MROH9: variants seen among roughly 807,000 people sequenced by gnomAD.
MROH9 encodes maestro heat-like repeat-containing protein family member 9.
In MROH9, 92 loss-of-function variants were observed where a neutral mutation model predicts 98.2. That is an observed-to-expected ratio of 0.94 (90% CI 0.79 to 1.11). The LOEUF (loss-of-function observed/expected upper bound fraction) is 1.11. Among genes scored for constraint, MROH9 ranks in the 50% most tolerant of loss-of-function variants. MROH9 has a pLI of 0.00. For synonymous variants in MROH9, 397 were observed against 368.9 expected (o/e 1.08, Z -0.87); for missense variants, 1,057 against 1,014.8 (o/e 1.04, Z -0.57).
intron 17 of MROH9, among the ~76,000 whole-genome samples, chr1:171,023,931 C>T (rs545661408): frequency 1.3e-5 from 2 of 152,282 alleles, no homozygotes; most frequent in East Asian, 1.9e-4. Context: ...CAGCTGCTGG[C>T]AACCTAGGCC....
intron 9 of MROH9, 119 bp from the exon 10 acceptor site, chr1:170,986,442 G>T: frequency 2.2e-6 from 2 of 898,674 alleles, no homozygotes; most frequent in South Asian, 2.0e-5. Context: ...GATGTATATG[G>T]CCCACGGAAG....
chr1:171,031,371 T>C (rs1652904983), intron 20 of MROH9, among the ~76,000 whole-genome samples: 1 of 152,198 alleles, frequency 6.6e-6, no homozygotes, highest in African/African-American at 2.4e-5. Flanking sequence ...AGTTTCTTCA[T>C]AGTGTCATTG....
chr1:171,026,605 C>T (rs1433838579), intron 20 of MROH9, among the ~76,000 whole-genome samples: 1 of 152,082 alleles, frequency 6.6e-6, no homozygotes, highest in Non-Finnish European at 1.5e-5. Flanking sequence ...AGAAATAATC[C>T]CTGCTATCCT....
intron 5 of MROH9, among the ~76,000 whole-genome samples, chr1:170,960,146 A>G (rs1402383445): frequency 6.6e-6 from 1 of 152,214 alleles, no homozygotes; most frequent in African/African-American, 2.4e-5. Flanking sequence ...ATCTCAGAGA[A>G]TTTCAGCCTC....
At chr1:170,950,521 C>T (rs951876667) in intron 3 of MROH9, among the ~76,000 whole-genome samples, 1 of 152,148 alleles carries the variant, frequency 6.6e-6, no homozygotes, top group East Asian at 1.9e-4. Flanking sequence ...CATTAACATT[C>T]TTATATCTGC....
In MROH9 at chr1:170,954,378, T is replaced by C. The variant is rs187894943; in HGVS notation, c.73-4083T>C. Among the ~76,000 whole-genome samples the C allele has an allele frequency of 2.7e-3, 409 of 152,188 alleles. 1 individual carries two copies. Among genetic ancestry groups the C allele is most frequent in the African/African-American group, 9.6e-3 (399 of 41,546 alleles). ...TGGCACTCTTCAATATCTGATTTTA[T>C]ATTTTCTGTATCAATTCATCTATCA... On this transcript the variant is annotated intron_variant, in intron 3 of 21. Coordinates refer to ENST00000367759, the MANE Select transcript of MROH9 (RefSeq NM_001163629.2).
intron 13 of MROH9, 123 bp from the exon 14 acceptor site, chr1:170,996,384 T>C: frequency 9.7e-7 from 1 of 1,035,844 alleles, no homozygotes; most frequent in Non-Finnish European, 1.4e-6. Context: ...CTTTTTCCAT[T>C]GAGACATCCC....
chr1:171,059,507 A>G (rs1004052883), intron 20 of MROH9, among the ~76,000 whole-genome samples: 3 of 152,208 alleles, frequency 2.0e-5, no homozygotes, highest in Non-Finnish European at 2.9e-5. Flanking sequence ...TAGAACCAGA[A>G]ATACCACTTG....
chr1:171,059,529 C>A (rs189697271), intron 20 of MROH9, among the ~76,000 whole-genome samples: 62 of 152,216 alleles, frequency 4.1e-4, no homozygotes, highest in Non-Finnish European at 7.4e-4. Context: ...CCCAGCAATC[C>A]CATTACTGGG....
intron 20 of MROH9, among the ~76,000 whole-genome samples, chr1:171,057,976 A>AG (rs1653898043): frequency 6.6e-6 from 1 of 152,050 alleles, no homozygotes; most frequent in Non-Finnish European, 1.5e-5. Context: ...GGGGGAAAAA[A>AG]ACACCAAAAT....
intron 20 of MROH9, among the ~76,000 whole-genome samples, chr1:171,047,544 A>C (rs1653506952): frequency 6.6e-6 from 1 of 152,110 alleles, no homozygotes; most frequent in African/African-American, 2.4e-5. Flanking sequence ...TATCTGACAG[A>C]ATTCTGAATC....
At chr1:171,035,814 G>A (rs1358950267) in intron 20 of MROH9, among the ~76,000 whole-genome samples, 1 of 152,126 alleles carries the variant, frequency 6.6e-6, no homozygotes, top group Non-Finnish European at 1.5e-5. Context: ...GTTATATGCT[G>A]TTGGCGGAGA....
intron 3 of MROH9, 90 bp from the exon 4 acceptor site, chr1:170,958,371 A>G (rs1246920448): frequency 1.7e-5 from 12 of 710,450 alleles, no homozygotes; most frequent in Non-Finnish European, 4.6e-6. Flanking sequence ...TAGTCTCTGT[A>G]AAAGGAAGAA....
intron 16 of MROH9, chr1:171,015,208 A>G (rs1014521281): frequency 5.4e-6 from 2 of 367,446 alleles, no homozygotes; most frequent in Non-Finnish European, 1.1e-5. Flanking sequence ...GAATGACATA[A>G]GCCATGGTCT....
In MROH9 at chr1:170,955,570, G is replaced by T. The variant is rs535624380; in HGVS notation, c.73-2891G>T. ...TTGATTTGCATTTCCCTAATCATTA[G>T]TGATGTTAAACATTTTTTCATATGT... On this transcript the variant is annotated intron_variant, in intron 3 of 21. Transcript: ENST00000367759. Among the ~76,000 whole-genome samples, 13 of 152,286 alleles carry T rather than the reference G, an allele frequency of 8.5e-5. 1 individual carries two copies. The East Asian group carries it at 2.5e-3, about 29-fold the overall frequency.
intron 20 of MROH9, among the ~76,000 whole-genome samples, chr1:171,033,687 T>C (rs1296200867): frequency 6.6e-6 from 1 of 152,174 alleles, no homozygotes; most frequent in Non-Finnish European, 1.5e-5. Flanking sequence ...TTTGTTTTTT[T>C]CCTGATGGGA....
chr1:170,946,369 A>G (rs1436548644), intron 2 of MROH9, among the ~76,000 whole-genome samples: 1 of 152,006 alleles, frequency 6.6e-6, no homozygotes, highest in East Asian at 1.9e-4. Flanking sequence ...GTCATAAACA[A>G]GGAAAGACTG....
At chr1:171,055,629 A>C (rs1051680985) in intron 20 of MROH9, among the ~76,000 whole-genome samples, 6 of 151,534 alleles carry the variant, frequency 4.0e-5, no homozygotes, top group South Asian at 2.1e-4. Flanking sequence ...AAAAAAAAAA[A>C]AAAAAAAAAA....
Position 171,044,470 on chromosome 1 carries a change from G to A in MROH9, c.2282-17662G>A, listed in dbSNP as rs1653400806. On this transcript the variant is annotated intron_variant, in intron 20 of 21. Transcript: ENST00000367759. ...TGGTTTTGATATCAGGGTAACACTA[G>A]CCTCACAGAATGATATTGGAAGTAT... Among the ~76,000 whole-genome samples the A allele has an allele frequency of 1.3e-5, 2 of 152,092 alleles. 1 individual carries two copies. Among genetic ancestry groups the A allele is most frequent in the Admixed American group, 1.3e-4 (2 of 15,280 alleles).
Sources: allele counts gnomAD v4.1 joint callset (sites outside exome capture counted in the v4.1 genomes callset), GRCh38; gene constraint gnomAD v4.1.1; transcripts MANE v1.5; gene names NCBI Gene and HGNC (gene_info 2026-07-23, HGNC 2026-07-21).